TSGA10: variants seen among roughly 807,000 people sequenced by gnomAD.
TSGA10 encodes testis-specific gene 10 protein.
Under a neutral mutation model 96.6 loss-of-function variants are expected in TSGA10, and 43 were observed. The observed-to-expected ratio is 0.44, with a 90% CI of 0.35 to 0.57. The LOEUF is 0.57. Ranked by LOEUF, TSGA10 falls within the 20% of genes least tolerant of loss-of-function variation. The probability of loss-of-function intolerance (pLI) is 0.01; values close to 1 mark genes in which losing one functional copy is unlikely to be tolerated. For synonymous variants in TSGA10, 229 were observed against 269.9 expected, an observed-to-expected ratio of 0.85 and a Z score of 1.48; for missense variants, 703 against 834.4, an observed-to-expected ratio of 0.84 and a Z score of 1.94.
intron 10 of TSGA10, among the ~76,000 whole-genome samples, chr2:99,099,246 A>G (rs1286457230): frequency 6.6e-6 from 1 of 152,262 alleles, no homozygotes; most frequent in Non-Finnish European, 1.5e-5. Context: ...TGGGAGGCGG[A>G]GGTTGCGGTG....
Position 99,065,006 on chromosome 2 carries a change from A to G in TSGA10, c.1337T>C (p.Ile446Thr), listed in dbSNP as rs776853684. 6.8e-6 allele frequency: 11 copies of G among 1,613,412 alleles called. No individual in the cohort carries two copies. The East Asian group carries it at 1.3e-4, about 20-fold the overall frequency. ...TCTGTTACCCTCTGCCTCAGCAGTG[A>G]TAAGTTCCAGTTTGAGGGTATTGTT... ...ADNNTLKLEL[I>T]TAEAEGNRLK... The change falls in exon 16 of 21, where the codon ATC becomes ACC. Residue 446 changes from isoleucine (I) to threonine (T), a missense_variant. Physicochemically the swap from Ile to Thr is moderately conservative, Grantham distance 89 (BLOSUM62 -1). This residue lies in a region of TSGA10 where 585 missense variants were observed against 656.8 expected (regional missense o/e 0.89). Transcript: ENST00000393483.
intron 16 of TSGA10, among the ~76,000 whole-genome samples, chr2:99,061,602 G>C (rs1183188225): frequency 2.0e-5 from 3 of 151,934 alleles, no homozygotes. Flanking sequence ...ACAAAGTTAA[G>C]CATACTTACC....
chr2:99,001,601 C>T (rs995944086), intron 20 of TSGA10, among the ~76,000 whole-genome samples: 1 of 152,134 alleles, frequency 6.6e-6, no homozygotes, highest in Non-Finnish European at 1.5e-5. Context: ...CAGCTCCCCA[C>T]CAGCAACAGA....
intron 17 of TSGA10, among the ~76,000 whole-genome samples, chr2:99,034,147 A>G (rs2081387121): frequency 6.6e-6 from 1 of 152,108 alleles, no homozygotes; most frequent in South Asian, 2.1e-4. Flanking sequence ...CTTTAAAAGT[A>G]TGTTTGAGAC....
intron 2 of TSGA10, chr2:99,126,621 C>CT (rs1230476323): frequency 6.5e-6 from 1 of 155,014 alleles, no homozygotes; most frequent in African/African-American, 2.4e-5. Flanking sequence ...ACATGTCAAG[C>CT]ATCAGGAGAA....
At chr2:99,041,738 G>A (rs6736064) in intron 16 of TSGA10, among the ~76,000 whole-genome samples, 53,358 of 151,874 alleles carry the variant, frequency 0.35, 10,698 homozygotes, top group African/African-American at 0.55. Flanking sequence ...CTAGAACATC[G>A]GAAAAACCCT....
intron 19 of TSGA10, 62 bp downstream of exon 19, chr2:99,018,474 A>G (rs2079727764): frequency 2.5e-6 from 4 of 1,578,208 alleles, no homozygotes; most frequent in Admixed American, 1.8e-5. Context: ...CTTGTTACCT[A>G]AGAAACAATG....
At chr2:99,139,602 G>A (rs2093453577) in intron 1 of TSGA10, among the ~76,000 whole-genome samples, 2 of 152,134 alleles carry the variant, frequency 1.3e-5, no homozygotes, top group Admixed American at 1.3e-4. Flanking sequence ...AACCATACAA[G>A]ATTTATGAAT....
intron 4 of TSGA10, among the ~76,000 whole-genome samples, chr2:99,112,001 A>G (rs1294812065): frequency 1.3e-5 from 2 of 152,154 alleles, no homozygotes; most frequent in African/African-American, 4.8e-5. Flanking sequence ...ATTATGGTAG[A>G]TGTTATTTTC....
At position 99,154,741 on chromosome 2, in the gene TSGA10, C is replaced by G. The variant is rs2093730917; in HGVS notation, c.-669G>C. On this transcript the variant is annotated 5_prime_UTR_variant, in exon 1 of 21. Coordinates refer to ENST00000393483, the MANE Select transcript of TSGA10 (RefSeq NM_025244.4). ...CTCTGTGCTGTCACGCGGGGAAGTC[C>G]CATCTGAACTGGGGCCTTATGACCT... 3.8e-6 allele frequency: 1 copy of G among 260,552 alleles called. No individual in the cohort carries two copies. Among genetic ancestry groups the G allele is most frequent in the Non-Finnish European group, 7.8e-6 (1 of 128,764 alleles). 16.1% of individuals were successfully genotyped at this position (260,552 alleles called of 1,614,324 possible). A position where few individuals can be genotyped will look rare whatever the true frequency, so the allele number is the denominator to read the frequency against.
chr2:99,015,551 T>C (rs753161505), intron 20 of TSGA10, among the ~76,000 whole-genome samples: 1 of 152,134 alleles, frequency 6.6e-6, no homozygotes, highest in Non-Finnish European at 1.5e-5. Context: ...TTATACTGAA[T>C]GGGGACAGTT....
intron 7 of TSGA10, among the ~76,000 whole-genome samples, chr2:99,107,126 T>C (rs985910613): frequency 1.3e-5 from 2 of 152,196 alleles, no homozygotes; most frequent in Non-Finnish European, 2.9e-5. Context: ...TGCTGAGTCA[T>C]TCAAGACAGA....
At chr2:99,141,310 A>T (rs992708051) in intron 1 of TSGA10, 7 of 366,086 alleles carry the variant, frequency 1.9e-5, no homozygotes, top group Admixed American at 1.1e-4. Flanking sequence ...AGCGCCAGCC[A>T]GTGCCGCCGT....
chr2:99,065,391 T>A (rs757285422), intron 15 of TSGA10, among the ~76,000 whole-genome samples: 1 of 152,188 alleles, frequency 6.6e-6, no homozygotes, highest in Non-Finnish European at 1.5e-5. Flanking sequence ...CTTCAAGACC[T>A]GAATGAATTT....
intron 15 of TSGA10, among the ~76,000 whole-genome samples, chr2:99,067,647 G>A (rs2104482456): frequency 6.6e-6 from 1 of 152,260 alleles, no homozygotes; most frequent in East Asian, 1.9e-4. Context: ...CAGGTCAGAA[G>A]TTCGAGACCA....
intron 2 of TSGA10, among the ~76,000 whole-genome samples, chr2:99,119,323 A>C (rs1219773927): frequency 1.3e-5 from 2 of 152,004 alleles, no homozygotes; most frequent in Non-Finnish European, 2.9e-5. Flanking sequence ...GCCTTCTCCC[A>C]TCTGCTCTCA....
chr2:99,143,621 C>G (rs1179024443), intron 1 of TSGA10, among the ~76,000 whole-genome samples: 1 of 151,956 alleles, frequency 6.6e-6, no homozygotes, highest in Non-Finnish European at 1.5e-5. Context: ...CAGGTATGTG[C>G]CACCATGCCC....
intron 2 of TSGA10, among the ~76,000 whole-genome samples, chr2:99,121,320 C>T (rs1178238368): frequency 6.6e-6 from 1 of 151,938 alleles, no homozygotes; most frequent in Non-Finnish European, 1.5e-5. Flanking sequence ...CTCATCCTTG[C>T]CAGCATTTGG....
In TSGA10 at chr2:99,150,518, A is replaced by G. The variant is rs780038348; in HGVS notation, c.-621+4175T>C. 9 of 1,592,296 alleles carry G rather than the reference A, an allele frequency of 5.7e-6. No homozygotes were observed. In the African/African-American group the frequency reaches 1.2e-4, roughly 22 times the overall value. ...GAAGAAACACTTCCACTACTTAAAA[A>G]GGTACCTGCAAATTACTTTCACATT... On this transcript the variant is annotated intron_variant, in intron 1 of 20. Transcript: ENST00000393483.
Sources: allele counts gnomAD v4.1 joint callset (sites outside exome capture counted in the v4.1 genomes callset), GRCh38; gene constraint gnomAD v4.1.1; regional missense constraint gnomAD v4.1.1; transcripts MANE v1.5; gene names NCBI Gene and HGNC (gene_info 2026-07-23, HGNC 2026-07-21).